The following PRORP variants were observed in gnomAD, a reference collection of about 807,000 sequenced individuals.
PRORP encodes the protein protein only RNase P catalytic subunit.
In PRORP, 51 loss-of-function variants were observed where a neutral mutation model predicts 59.4. The ratio of observed to expected loss-of-function variants is 0.86; its 90% confidence interval spans 0.69 to 1.08. The LOEUF is 1.08. Among genes scored for constraint, PRORP ranks in the 50% least tolerant of loss-of-function variants. PRORP has a pLI of 0.00. For missense variants in PRORP, 646 were observed against 690.3 expected, an observed-to-expected ratio of 0.94 and a Z score of 0.72; for synonymous variants, 231 against 245.6, an observed-to-expected ratio of 0.94 and a Z score of 0.55.
intron 5 of PRORP, among the ~76,000 whole-genome samples, chr14:35,216,569 C>CT (rs940428470): frequency 6.6e-6 from 1 of 152,120 alleles, no homozygotes; most frequent in African/African-American, 2.4e-5. Flanking sequence ...GTTGTTCCTA[C>CT]TTTTTGGCTA....
At position 35,172,025 on chromosome 14, in the gene PRORP, C is replaced by T. The variant is rs115024556; in HGVS notation, c.1168-8645C>T. The stretch of plus-strand genomic sequence containing the variant: ...TCTCTGTGGAGATTTTCTTTCTTTG[C>T]ATTAATTATGACTATATTTACTTCT... On this transcript the variant is annotated intron_variant, in intron 4 of 7. Coordinates refer to ENST00000534898, the MANE Select transcript of PRORP (RefSeq NM_014672.4). Among the ~76,000 whole-genome samples, 499 of 148,610 alleles carry T rather than the reference C, an allele frequency of 3.4e-3. 3 individuals are homozygous for T. The highest frequency in any genetic ancestry group is 0.012 in the African/African-American group (477 of 40,760).
At chr14:35,213,453 GA>G (rs942936194) in intron 5 of PRORP, among the ~76,000 whole-genome samples, 3 of 151,874 alleles carry the variant, frequency 2.0e-5, no homozygotes, top group Non-Finnish European at 2.9e-5. Flanking sequence ...AAAAATAAAG[GA>G]AAAAAACCTT....
At chr14:35,184,771 A>G (rs1392051920) in intron 5 of PRORP, among the ~76,000 whole-genome samples, 1 of 152,246 alleles carries the variant, frequency 6.6e-6, no homozygotes, top group Non-Finnish European at 1.5e-5. Flanking sequence ...GAGAACATGT[A>G]GTATTTGGAT....
At chr14:35,242,683 G>A (rs1045136366) in intron 5 of PRORP, among the ~76,000 whole-genome samples, 4 of 152,018 alleles carry the variant, frequency 2.6e-5, no homozygotes, top group South Asian at 4.1e-4. Flanking sequence ...TATATCTCAC[G>A]TATTTCCAAG....
Position 35,123,212 on chromosome 14 carries a change from C to T in PRORP, c.-34C>T, listed in dbSNP as rs781602792. On this transcript the variant is annotated 5_prime_UTR_variant, in exon 2 of 8. Transcript: ENST00000534898. ...CATAGAAGAGGGGTTTTTTCAACAT[C>T]TCTCTCACTATCTGGTGCTGATCTC... 9 of 1,569,280 alleles carry T rather than the reference C, an allele frequency of 5.7e-6. No homozygotes were observed. The East Asian group carries it at 9.0e-5, about 16-fold the overall frequency.
At chr14:35,141,372 T>C (rs1044209825) in intron 4 of PRORP, among the ~76,000 whole-genome samples, 1 of 144,524 alleles carries the variant, frequency 6.9e-6, no homozygotes, top group Non-Finnish European at 1.5e-5. Flanking sequence ...GTAATCCTCC[T>C]GCCTCATCCT....
chr14:35,225,178 C>T (rs1230833299), intron 5 of PRORP, among the ~76,000 whole-genome samples: 1 of 151,840 alleles, frequency 6.6e-6, no homozygotes, highest in African/African-American at 2.4e-5. Flanking sequence ...TATGACTTAC[C>T]ACATACATGT....
At chr14:35,174,733 AT>A (rs1243196608) in intron 4 of PRORP, among the ~76,000 whole-genome samples, 9,114 of 142,780 alleles carry the variant, frequency 0.064, 469 homozygotes, top group African/African-American at 0.14. Flanking sequence ...TTGACAGTTC[AT>A]TCTTCTTTTT....
At chr14:35,198,859 C>T (rs1408808672) in intron 5 of PRORP, among the ~76,000 whole-genome samples, 12 of 151,932 alleles carry the variant, frequency 7.9e-5, no homozygotes, top group African/African-American at 2.7e-4. Flanking sequence ...GGTGAAACCC[C>T]GTCTCTACTA....
intron 4 of PRORP, among the ~76,000 whole-genome samples, chr14:35,128,622 A>G (rs1489788542): frequency 6.6e-6 from 1 of 152,014 alleles, no homozygotes; most frequent in Non-Finnish European, 1.5e-5. Context: ...ATTTATTGGC[A>G]TATGGTTGCT....
intron 5 of PRORP, among the ~76,000 whole-genome samples, chr14:35,218,485 A>AAAAAAAAAG (rs1348565728): frequency 7.5e-6 from 1 of 133,048 alleles, no homozygotes; most frequent in Non-Finnish European, 1.6e-5. Context: ...AAAAAAAAAA[A>AAAAAAAAAG]CCAACAACAA....
intron 5 of PRORP, among the ~76,000 whole-genome samples, chr14:35,250,515 A>G (rs1324536323): frequency 6.6e-6 from 1 of 152,220 alleles, no homozygotes; most frequent in African/African-American, 2.4e-5. Flanking sequence ...AGGGAATGAC[A>G]CTGATGCATT....
chr14:35,245,452 G>T (rs535319371), intron 5 of PRORP, among the ~76,000 whole-genome samples: 1 of 152,148 alleles, frequency 6.6e-6, no homozygotes, highest in South Asian at 2.1e-4. Context: ...AGACCAACCT[G>T]GGCAACATGG....
At chr14:35,238,908 G>A (rs942292381) in intron 5 of PRORP, among the ~76,000 whole-genome samples, 3 of 152,074 alleles carry the variant, frequency 2.0e-5, no homozygotes, top group Non-Finnish European at 2.9e-5. Flanking sequence ...ATAACAACAC[G>A]TAGTCTTTTA....
At chr14:35,187,281 A>G (rs971660278) in intron 5 of PRORP, among the ~76,000 whole-genome samples, 7 of 152,306 alleles carry the variant, frequency 4.6e-5, no homozygotes, top group Middle Eastern at 6.8e-3. Flanking sequence ...TCAGCTGTGT[A>G]TAAAGGTTCC....
At chr14:35,176,257 G>GT (rs1555325431) in intron 4 of PRORP, among the ~76,000 whole-genome samples, 1 of 152,078 alleles carries the variant, frequency 6.6e-6, no homozygotes, top group Non-Finnish European at 1.5e-5. Flanking sequence ...CTTTAAAGTA[G>GT]TTTTTTCCAA....
chr14:35,156,083 C>G (rs1415505421), intron 4 of PRORP, among the ~76,000 whole-genome samples: 2 of 152,096 alleles, frequency 1.3e-5, no homozygotes, highest in Non-Finnish European at 2.9e-5. Context: ...GCTGAAGAGG[C>G]AATGTGGAAT....
chr14:35,264,526 G>A lies in PRORP; in HGVS notation c.1276-2201G>A, dbSNP rs986747799. ...TCCAGTCTCATCCTCCCACAGTGCC[G>A]AAGTTACAGATGTGAGCCACCATAC... On this transcript the variant is annotated intron_variant, in intron 5 of 7. Transcript: ENST00000534898. Among the ~76,000 whole-genome samples, 5 of 151,784 alleles carry A rather than the reference G, an allele frequency of 3.3e-5. No homozygotes were observed. In the South Asian group the frequency reaches 8.3e-4, roughly 25 times the overall value.
intron 5 of PRORP, among the ~76,000 whole-genome samples, chr14:35,245,423 G>A (rs989913567): frequency 1.3e-5 from 2 of 152,090 alleles, no homozygotes; most frequent in African/African-American, 4.8e-5. Flanking sequence ...CGGGCAGATT[G>A]CTTGAGTCCA....
Sources: allele counts gnomAD v4.1 joint callset (sites outside exome capture counted in the v4.1 genomes callset), GRCh38; gene constraint gnomAD v4.1.1; transcripts MANE v1.5; gene names NCBI Gene and HGNC (gene_info 2026-07-23, HGNC 2026-07-21).